OSGEP: variants seen among roughly 807,000 people sequenced by gnomAD.
The protein encoded by OSGEP is tRNA N6-adenosine threonylcarbamoyltransferase.
A neutral mutation model predicts 44.1 loss-of-function variants in OSGEP; 39 were observed. That is an observed-to-expected ratio of 0.88 (90% confidence interval 0.69 to 1.16). The LOEUF (loss-of-function observed/expected upper bound fraction) is 1.16. Ranked by LOEUF, OSGEP falls within the 50% of genes most tolerant of loss-of-function variation. OSGEP has a pLI of 0.00. For missense variants in OSGEP, 403 were observed against 443.1 expected (o/e 0.91, Z 0.81); for synonymous variants, 139 against 161.9 (o/e 0.86, Z 1.07).
In OSGEP at chr14:20,454,732, G is replaced by GCTC; in HGVS notation, c.-50_-49insGAG. 2 of 1,388,762 alleles carry GCTC rather than the reference G, an allele frequency of 1.4e-6. No individual in the cohort carries two copies. The highest frequency in any genetic ancestry group is 1.2e-5 in the South Asian group (1 of 85,984). 86.0% of individuals were successfully genotyped at this position (1,388,762 alleles called of 1,614,324 possible). ...GACAGGACTCCTGGCAATGTCAGGA[G>GCTC]CTGTGGAGGTCCTCACTAGTCCGCG... is the stretch of plus-strand genomic sequence containing the variant. On this transcript the variant is annotated 5_prime_UTR_variant, in exon 1 of 11. Transcript: ENST00000206542.
At position 20,447,015 on chromosome 14, in the gene OSGEP, A is replaced by AAATCTAC; in HGVS notation, c.*218_*224dup. 2 of 477,430 alleles carry AAATCTAC rather than the reference A, an allele frequency of 4.2e-6. No homozygotes were observed. The highest frequency in any genetic ancestry group is 6.2e-5 in the East Asian group (2 of 32,140). The allele number at this position is 477,430 out of a possible 1,614,324, so 29.6% of individuals were successfully genotyped here. On this transcript the variant is annotated 3_prime_UTR_variant, in exon 11 of 11. Coordinates refer to ENST00000206542, the MANE Select transcript of OSGEP (RefSeq NM_017807.4). ...CTCCAACAAGAATTTATCCAGCACC[A>AAATCTAC]AATCTACATTGGTCCTGAACAACAC...
intron 1 of OSGEP, among the ~76,000 whole-genome samples, chr14:20,453,749 C>A (rs1594409980): frequency 6.6e-6 from 1 of 151,990 alleles, no homozygotes; most frequent in Admixed American, 6.6e-5. Context: ...CAGGCCCGAG[C>A]GGTGGCTCAT....
rs1880948578 is a variant in OSGEP, at chr14:20,446,499, C to G, written c.*741G>C. ...TCACTCAGGCTGGAATGCAGTGGCT[C>G]AATCACAGCTCACTGCAACCTCAAA... On this transcript the variant is annotated 3_prime_UTR_variant, in exon 11 of 11. Coordinates refer to ENST00000206542, the MANE Select transcript of OSGEP (RefSeq NM_017807.4). 1 of 152,232 alleles carries G rather than the reference C, an allele frequency of 6.6e-6. No individual in the cohort carries two copies. Among genetic ancestry groups the G allele is most frequent in the Admixed American group, 6.5e-5 (1 of 15,284 alleles). The allele number at this position is 152,232 out of a possible 1,614,324, so 9.4% of individuals were successfully genotyped here.
rs1335762349 is a variant in OSGEP at position 20,449,332 on chromosome 14, A to C, written c.412-66T>G. ...AAGAGGATTATTTGGCTTTGGGAGAAAAACATAGCAGAGGATCAACATGAC... is the reference window on the plus strand; with the variant it reads ...AAGAGGATTATTTGGCTTTGGGAGACAAACATAGCAGAGGATCAACATGAC... On this transcript the variant is annotated intron_variant, in intron 3 of 10. Transcript: ENST00000206542. 4 of 958,792 alleles carry C rather than the reference A, an allele frequency of 4.2e-6. No homozygotes were observed. The African/African-American group carries it at 6.4e-5, about 15-fold the overall frequency. 59.4% of individuals were successfully genotyped at this position (958,792 alleles called of 1,614,324 possible). A position where few individuals can be genotyped will look rare whatever the true frequency, so the allele number is the denominator to read the frequency against.
Position 20,452,403 on chromosome 14 carries a change from A to C in OSGEP, c.161T>G (p.Leu54Arg). The change falls in exon 2 of 11, where the codon CTA (leucine) becomes CGA (arginine). Residue 54 changes from leucine to arginine, a missense_variant. Physicochemically the swap from Leu to Arg is moderately radical, Grantham distance 102. Transcript: ENST00000206542. ...TGTTAGTGCCTCCTGCAGCAGGTCT[A>C]GGATAACAGCTCGGTGATGCCTGGC... is the stretch of plus-strand genomic sequence containing the variant. ...DTARHHRAVILDLLQEALTES... is the reference protein window; with the variant it reads ...DTARHHRAVIRDLLQEALTES... 1 of 1,613,874 alleles carries C rather than the reference A, an allele frequency of 6.2e-7. No individual in the cohort carries two copies. The highest frequency in any genetic ancestry group is 1.1e-5 in the South Asian group (1 of 91,086).
chr14:20,449,253 G>T lies in OSGEP; in HGVS notation c.425C>A (p.Ser142Ter). ...CCCAAAGATACGGTAACGATGTTCC[G>T]AGTATGCAATCACCTAAGGGTGATG... ...SGGNTQVIAY[S>*]EHRYRIFGET... Residue 142 changes from serine to a stop codon, truncating the protein, a stop_gained, in exon 4 of 11, where the codon TCG becomes TAG. Coordinates refer to ENST00000206542, the MANE Select transcript of OSGEP (RefSeq NM_017807.4). LOFTEE classifies it high-confidence loss of function. 1.2e-6 allele frequency: 2 copies of T among 1,605,524 alleles called. No homozygotes were observed. Among genetic ancestry groups the T allele is most frequent in the South Asian group, 2.2e-5 (2 of 90,874 alleles).
At chr14:20,450,918 G>GA (rs1470277166) in intron 3 of OSGEP, 1 of 152,160 alleles carries the variant, frequency 6.6e-6, no homozygotes, top group Admixed American at 6.6e-5. Context: ...TTCAAGACCA[G>GA]CCTGACCAAC....
In OSGEP at chr14:20,447,394, TACCCTCACCAAGAGGTGAATCACTC is replaced by T; in HGVS notation, c.968+3_968+27del. 1 of 1,604,254 alleles carries T rather than the reference TACCCTCACCAAGAGGTGAATCACTC, an allele frequency of 6.2e-7. No homozygotes were observed. The highest frequency in any genetic ancestry group is 8.5e-7 in the Non-Finnish European group (1 of 1,170,914). ...TGTTTTTGTCTATGTCCCAATAATC[TACCCTCACCAAGAGGTGAATCACTC>T]ACCTCTGTGTAACCCCAGAATCACT... On this transcript the variant is annotated splice_donor_5th_base_variant and intron_variant, in intron 10 of 10. Coordinates refer to ENST00000206542, the MANE Select transcript of OSGEP (RefSeq NM_017807.4).
In OSGEP at chr14:20,454,549, T is replaced by C. The variant is rs961354519; in HGVS notation, c.115+20A>G. 8 of 1,553,060 alleles carry C rather than the reference T, an allele frequency of 5.2e-6. No homozygotes were observed. The highest frequency in any genetic ancestry group is 1.7e-5 in the Admixed American group (1 of 59,956). Reference sequence around the variant, plus strand: ...TGCGGGGAAGTGCGCGGAAAACTCTTAAGTCCCCTACTCACCAACCTGTGC... The same window carrying C: ...TGCGGGGAAGTGCGCGGAAAACTCTCAAGTCCCCTACTCACCAACCTGTGC... On this transcript the variant is annotated intron_variant, in intron 1 of 10. Transcript: ENST00000206542.
chr14:20,454,704 G>A lies in OSGEP; in HGVS notation c.-21C>T, dbSNP rs779134573. On this transcript the variant is annotated 5_prime_UTR_variant, in exon 1 of 11. Transcript: ENST00000206542. ...GGCATGGCGGAGGCTGGGAGAAAAC[G>A]CCGACAGGACTCCTGGCAATGTCAG... is the stretch of plus-strand genomic sequence containing the variant. The A allele has an allele frequency of 1.9e-6, 3 of 1,568,454 alleles. No individual in the cohort carries two copies. The highest frequency in any genetic ancestry group is 2.2e-5 in the South Asian group (2 of 90,084).
intron 1 of OSGEP, among the ~76,000 whole-genome samples, chr14:20,454,099 G>C (rs7141182): frequency 0.017 from 2,607 of 152,262 alleles, 72 homozygotes; most frequent in African/African-American, 0.059. Flanking sequence ...AAGCCAGCCA[G>C]TTCTGTCTGA....
Position 20,452,030 on chromosome 14 carries a change from G to C in OSGEP, c.355C>G (p.Leu119Val). The C allele has an allele frequency of 6.2e-7, 1 of 1,613,542 alleles. No individual in the cohort carries two copies. Among genetic ancestry groups the C allele is most frequent in the Non-Finnish European group, 8.5e-7 (1 of 1,179,858 alleles). ...GTTGGGCTGGTGGCTCCAGTGATGA[G>C]GCGGCCCATCTCAATGTGGCCTATA... ...HCIGHIEMGR[L>V]ITGATSPTVL... Residue 119 changes from leucine to valine, a missense_variant, in exon 3 of 11, where the codon CTC becomes GTC. By Grantham distance (32) the Leu-to-Val change is conservative. Transcript: ENST00000206542.
rs887247282 is a variant in OSGEP at position 20,446,804 on chromosome 14, G to A, written c.*436C>T. ...AATGAATGTAAAGCAGTTAGCACGG[G>A]ACCCGATGCTATAATAATAGTTATG... On this transcript the variant is annotated 3_prime_UTR_variant, in exon 11 of 11. Transcript: ENST00000206542. 1 of 169,632 alleles carries A rather than the reference G, an allele frequency of 5.9e-6. No individual in the cohort carries two copies. The highest frequency in any genetic ancestry group is 5.8e-5 in the Admixed American group (1 of 17,390). 10.5% of individuals were successfully genotyped at this position (169,632 alleles called of 1,614,324 possible).
intron 3 of OSGEP, 109 bp downstream of exon 3, chr14:20,451,865 A>G: frequency 9.7e-7 from 1 of 1,035,036 alleles, no homozygotes; most frequent in Non-Finnish European, 1.4e-6. Context: ...TTTTAGGTTC[A>G]GATAAGTCCA....
rs896901119 is a variant in OSGEP at position 20,449,182 on chromosome 14, G to C, written c.496C>G (p.Arg166Gly). Residue 166 changes from arginine to glycine, a missense_variant, in exon 4 of 11, where the codon CGA becomes GGA. Transcript: ENST00000206542. Reference protein sequence around the residue: ...AVGNCLDRFARVLKISNDPSP... With the variant: ...AVGNCLDRFAGVLKISNDPSP... ...CCCCACTGGCTTACCTTCAGCACTC[G>C]AGCAAAACGATCCAGACAATTACCC... is the stretch of plus-strand genomic sequence containing the variant. The C allele has an allele frequency of 1.9e-6, 3 of 1,610,688 alleles. No individual in the cohort carries two copies. Among genetic ancestry groups the C allele is most frequent in the Admixed American group, 1.7e-5 (1 of 60,002 alleles).
Position 20,447,001 on chromosome 14 carries a change from A to T in OSGEP, c.*239T>A. The T allele has an allele frequency of 2.2e-6, 1 of 454,372 alleles. No individual in the cohort carries two copies. Among genetic ancestry groups the T allele is most frequent in the Non-Finnish European group, 3.9e-6 (1 of 255,986 alleles). 28.1% of individuals were successfully genotyped at this position (454,372 alleles called of 1,614,324 possible). A position where few individuals can be genotyped will look rare whatever the true frequency, so the allele number is the denominator to read the frequency against. ...TCCACAGCAGCAAGCTCCAACAAGA[A>T]TTTATCCAGCACCAAATCTACATTG... On this transcript the variant is annotated 3_prime_UTR_variant, in exon 11 of 11. Transcript: ENST00000206542.
At position 20,447,216 on chromosome 14, in the gene OSGEP, T is replaced by C. The variant is rs781393157; in HGVS notation, c.*24A>G. On this transcript the variant is annotated 3_prime_UTR_variant, in exon 11 of 11. Coordinates refer to ENST00000206542, the MANE Select transcript of OSGEP (RefSeq NM_017807.4). ...CCTTTGGGTTCCGATTAAGGAACTA[T>C]CTACTCTGATTCTGTTGATCTTATT... The C allele has an allele frequency of 2.5e-6, 4 of 1,607,458 alleles. No individual in the cohort carries two copies. The highest frequency in any genetic ancestry group is 1.7e-6 in the Non-Finnish European group (2 of 1,173,872).
In OSGEP at chr14:20,452,563, C is replaced by T. The variant is rs190875507; in HGVS notation, c.116-115G>A. Reference sequence around the variant, plus strand: ...TGTAGTAAGAGTCCTTTCACTTTCCCCAAGCATCCTATCTTCCACATTTTC... The same window carrying T: ...TGTAGTAAGAGTCCTTTCACTTTCCTCAAGCATCCTATCTTCCACATTTTC... On this transcript the variant is annotated intron_variant, in intron 1 of 10. Coordinates refer to ENST00000206542, the MANE Select transcript of OSGEP (RefSeq NM_017807.4). The T allele has an allele frequency of 1.6e-5, 15 of 930,310 alleles. No individual in the cohort carries two copies. In the African/African-American group the frequency reaches 2.5e-4, roughly 15 times the overall value. 57.6% of individuals were successfully genotyped at this position (930,310 alleles called of 1,614,324 possible).
At chr14:20,449,371 A>AAGGGC (rs1881038271) in intron 3 of OSGEP, 105 bp from the exon 4 acceptor site, 3 of 734,560 alleles carry the variant, frequency 4.1e-6, no homozygotes, top group Non-Finnish European at 5.0e-6. Flanking sequence ...CAGGGCTTCC[A>AAGGGC]ATAAGAAGTG....
Sources: gnomAD v4.1 joint callset for allele counts (sites outside exome capture counted in the v4.1 genomes callset) on GRCh38, gnomAD v4.1.1 for gene constraint, MANE v1.5 for transcripts, NCBI Gene and HGNC (gene_info 2026-07-23, HGNC 2026-07-21) for gene names.